CNTLN: variants seen among roughly 807,000 people sequenced by gnomAD.
CNTLN encodes the protein centlein, also known as centlein, centrosomal protein.
CNTLN carries 212 observed loss-of-function variants against 180.0 expected under a neutral mutation model. That is an observed-to-expected ratio of 1.18 (90% CI 1.05 to 1.32). CNTLN has a LOEUF of 1.32. Among genes scored for constraint, CNTLN ranks in the 40% most tolerant of loss-of-function variants. CNTLN has a pLI of 0.00. For missense variants in CNTLN, 2,095 were observed against 1,610.9 expected (o/e 1.30, Z -5.14); for synonymous variants, 722 against 563.1 (o/e 1.28, Z -3.99).
At position 17,308,822 on chromosome 9, in the gene CNTLN, T is replaced by C. The variant is rs1209108788; in HGVS notation, c.1147-236T>C. Among the ~76,000 whole-genome samples the C allele has an allele frequency of 1.8e-4, 28 of 151,724 alleles. 1 individual carries two copies. Among genetic ancestry groups the C allele is most frequent in the Admixed American group, 1.8e-3 (28 of 15,244 alleles). On this transcript the variant is annotated intron_variant, in intron 7 of 25. Transcript: ENST00000380647. ...AATACATATTGCCTTTTTAACATAT[T>C]TTCTAGTTTTTATCACATTTTAAAT...
At chr9:17,499,972 C>T (rs537701796) in intron 25 of CNTLN, among the ~76,000 whole-genome samples, 1 of 152,146 alleles carries the variant, frequency 6.6e-6, no homozygotes, top group East Asian at 1.9e-4. Flanking sequence ...TTTTAAATCT[C>T]ACACTAGTAA....
chr9:17,265,755 G>C (rs1827378974), intron 5 of CNTLN, among the ~76,000 whole-genome samples: 1 of 152,032 alleles, frequency 6.6e-6, no homozygotes, highest in African/African-American at 2.4e-5. Context: ...CTTCTTCCTG[G>C]TTTAGTCTTG....
chr9:17,440,482 G>A (rs1162774048), intron 18 of CNTLN, among the ~76,000 whole-genome samples: 1 of 150,022 alleles, frequency 6.7e-6, no homozygotes, highest in Non-Finnish European at 1.5e-5. Flanking sequence ...CCAGCTATTC[G>A]AGAGGCTGAG....
At chr9:17,447,552 A>G (rs116414789) in intron 18 of CNTLN, 2 of 154,062 alleles carry the variant, frequency 1.3e-5, no homozygotes, top group South Asian at 4.0e-4. Context: ...TATCAGCAGG[A>G]CTCACAGTTT....
intron 2 of CNTLN, among the ~76,000 whole-genome samples, chr9:17,214,868 A>G (rs1452676866): frequency 2.0e-5 from 3 of 152,148 alleles, no homozygotes; most frequent in South Asian, 4.1e-4. Flanking sequence ...TTGTGCATTC[A>G]TTACGTAGTC....
rs1293692966 is a variant in CNTLN, at chr9:17,135,224, T to C, written c.159T>C (p.Ser53=). The C allele has an allele frequency of 6.2e-7, 1 of 1,609,586 alleles. No homozygotes were observed. The highest frequency in any genetic ancestry group is 8.5e-7 in the Non-Finnish European group (1 of 1,178,424). The part of the protein sequence containing the change: ...GAAREVVADE[S]DKIWVGEEGS... ...CGCGGGAGGTGGTCGCGGACGAAAG[T>C]GATAAAATCTGGGTGGGTGAAGAAG... The change falls in exon 1 of 26, where the codon AGT becomes AGC. Residue 53 remains serine, a synonymous_variant. Coordinates refer to ENST00000380647, the MANE Select transcript of CNTLN (RefSeq NM_017738.4).
chr9:17,383,698 C>T lies in CNTLN; in HGVS notation c.1988-4464C>T, dbSNP rs1216800976. 7.9e-5 allele frequency among the ~76,000 whole-genome samples: 12 copies of T among 151,300 alleles called. No individual in the cohort carries two copies. In the East Asian group the frequency reaches 1.4e-3, roughly 17 times the overall value. ...TGTCACCCAGGCTGGAGTGCAGTGG[C>T]GTGATCTCGGCCCACTGCAAGCTCT... On this transcript the variant is annotated intron_variant, in intron 13 of 25. Coordinates refer to ENST00000380647, the MANE Select transcript of CNTLN (RefSeq NM_017738.4).
At position 17,226,209 on chromosome 9, in the gene CNTLN, A is replaced by G; in HGVS notation, c.456A>G (p.Lys152=). 6.4e-7 allele frequency: 1 copy of G among 1,553,716 alleles called. No individual in the cohort carries two copies. The highest frequency in any genetic ancestry group is 8.7e-7 in the Non-Finnish European group (1 of 1,147,232). The part of the protein sequence containing the change: ...QVVSLVVERE[K]QKSEAKDRKV... Reference sequence around the variant, plus strand: ...CTCTATATTTTATATCTAGAGAAAAACAGAAATCTGAAGCTAAAGACAGAA... The same window carrying G: ...CTCTATATTTTATATCTAGAGAAAAGCAGAAATCTGAAGCTAAAGACAGAA... Residue 152 remains lysine, a synonymous_variant, in exon 3 of 26, where the codon AAA becomes AAG. Transcript: ENST00000380647.
chr9:17,320,811 A>G (rs891995447), intron 8 of CNTLN, among the ~76,000 whole-genome samples: 4 of 152,136 alleles, frequency 2.6e-5, no homozygotes, highest in African/African-American at 9.7e-5. Context: ...CCTCATTTAT[A>G]TATATTTATT....
intron 21 of CNTLN, among the ~76,000 whole-genome samples, chr9:17,464,945 C>G (rs964240955): frequency 6.6e-6 from 1 of 150,980 alleles, no homozygotes; most frequent in Non-Finnish European, 1.5e-5. Context: ...ATGATAGAAT[C>G]AAGCTTATAT....
At chr9:17,449,741 C>A (rs1049537108) in intron 18 of CNTLN, among the ~76,000 whole-genome samples, 3 of 152,240 alleles carry the variant, frequency 2.0e-5, no homozygotes, top group Admixed American at 6.5e-5. Context: ...TTCAACAAAT[C>A]CAATTAAAAT....
At chr9:17,496,344 G>T (rs1833454515) in intron 25 of CNTLN, among the ~76,000 whole-genome samples, 1 of 152,136 alleles carries the variant, frequency 6.6e-6, no homozygotes, top group Admixed American at 6.5e-5. Flanking sequence ...CCAAGATCAG[G>T]CATTAGCCAT....
At position 17,409,279 on chromosome 9, in the gene CNTLN, T is replaced by C. The variant is rs769926123; in HGVS notation, c.2616-14T>C. On this transcript the variant is annotated splice_polypyrimidine_tract_variant and intron_variant, in intron 15 of 25. Coordinates refer to ENST00000380647, the MANE Select transcript of CNTLN (RefSeq NM_017738.4). ...TTATTCTTGGATTTTATGTCCCTAC[T>C]TTTTTCTAAAAAGCAGTGATTCTGA... The C allele has an allele frequency of 3.1e-6, 5 of 1,602,228 alleles. No homozygotes were observed. The East Asian group carries it at 9.0e-5, about 29-fold the overall frequency.
intron 18 of CNTLN, among the ~76,000 whole-genome samples, chr9:17,430,710 AC>A (rs1361597297): frequency 6.6e-6 from 1 of 152,048 alleles, no homozygotes; most frequent in Non-Finnish European, 1.5e-5. Context: ...GACGCCTGCC[AC>A]CCTTTGTAGC....
chr9:17,256,054 G>C (rs1454212918), intron 5 of CNTLN, among the ~76,000 whole-genome samples: 1 of 151,804 alleles, frequency 6.6e-6, no homozygotes, highest in Non-Finnish European at 1.5e-5. Context: ...TGAGGATAAT[G>C]GCTTCCAGCT....
chr9:17,195,387 T>C (rs1468071818), intron 2 of CNTLN, among the ~76,000 whole-genome samples: 1 of 152,170 alleles, frequency 6.6e-6, no homozygotes, highest in Non-Finnish European at 1.5e-5. Flanking sequence ...TGTGATCTTT[T>C]CCTTGTATCC....
chr9:17,184,983 T>G (rs2131755151), intron 2 of CNTLN, among the ~76,000 whole-genome samples: 1 of 152,334 alleles, frequency 6.6e-6, no homozygotes, highest in East Asian at 1.9e-4. Flanking sequence ...GTCTCAGAAC[T>G]TTATAAAAGC....
At chr9:17,466,975 A>T in intron 23 of CNTLN, 84 bp downstream of exon 23, 2 of 905,902 alleles carry the variant, frequency 2.2e-6, no homozygotes, top group East Asian at 2.7e-5. Context: ...TGGGGAATAA[A>T]GTTTCTTTCT....
At chr9:17,209,709 T>G (rs1181134513) in intron 2 of CNTLN, among the ~76,000 whole-genome samples, 2 of 152,202 alleles carry the variant, frequency 1.3e-5, no homozygotes, top group Non-Finnish European at 2.9e-5. Flanking sequence ...TGAAATCTGT[T>G]TTGTCTAAGT....
Sources: allele counts gnomAD v4.1 joint callset (sites outside exome capture counted in the v4.1 genomes callset), GRCh38; gene constraint gnomAD v4.1.1; transcripts MANE v1.5; gene names NCBI Gene and HGNC (gene_info 2026-07-23, HGNC 2026-07-21).